Variants in KDM5B observed in about 807,000 individuals in gnomAD.
KDM5B encodes lysine demethylase 5B.
In KDM5B, 144 loss-of-function variants were observed where a neutral mutation model predicts 193.4. The observed-to-expected ratio is 0.74, with a 90% confidence interval of 0.65 to 0.86. The LOEUF (loss-of-function observed/expected upper bound fraction) is 0.86. Ranked by LOEUF, KDM5B falls within the 40% of genes least tolerant of loss-of-function variation. The pLI is 0.00. For missense variants in KDM5B, 1,833 were observed against 1,886.9 expected, an observed-to-expected ratio of 0.97 and a Z score of 0.53; for synonymous variants, 668 against 682.6, an observed-to-expected ratio of 0.98 and a Z score of 0.33.
intron 8 of KDM5B, 137 bp downstream of exon 8, chr1:202,760,278 T>C (rs1457278301): frequency 1.7e-6 from 1 of 598,502 alleles, no homozygotes; most frequent in Non-Finnish European, 2.8e-6. Flanking sequence ...TTTGTGCCAC[T>C]GCACTCCAGC....
At chr1:202,774,572 G>C (rs1656859467) in intron 3 of KDM5B, 41 bp downstream of exon 3, 1 of 1,567,590 alleles carries the variant, frequency 6.4e-7, no homozygotes, top group Non-Finnish European at 8.7e-7. Context: ...CATTCTGTCA[G>C]TAAGATTATA....
intron 13 of KDM5B, among the ~76,000 whole-genome samples, chr1:202,749,804 A>G (rs554468788): frequency 6.6e-6 from 1 of 152,338 alleles, no homozygotes; most frequent in Admixed American, 6.5e-5. Flanking sequence ...ACTTCAGGGA[A>G]TAATACTCTG....
intron 1 of KDM5B, among the ~76,000 whole-genome samples, chr1:202,800,108 A>G (rs1002696235): frequency 1.8e-4 from 27 of 152,090 alleles, no homozygotes; most frequent in Non-Finnish European, 2.8e-4. Context: ...CAGTGGTGCG[A>G]TATCGGCTCA....
chr1:202,781,717 T>TG (rs1373594502), intron 1 of KDM5B, among the ~76,000 whole-genome samples: 1 of 152,204 alleles, frequency 6.6e-6, no homozygotes, highest in Non-Finnish European at 1.5e-5. Flanking sequence ...TAAAAGCTGT[T>TG]GGTTTTCAGA....
chr1:202,784,975 A>AC (rs1657347095), intron 1 of KDM5B, among the ~76,000 whole-genome samples: 1 of 150,538 alleles, frequency 6.6e-6, no homozygotes. Context: ...CAAAGACTGC[A>AC]CTCCAGCCTA....
chr1:202,783,154 G>A (rs1442830250), intron 1 of KDM5B, among the ~76,000 whole-genome samples: 2 of 152,168 alleles, frequency 1.3e-5, no homozygotes, highest in Non-Finnish European at 2.9e-5. Flanking sequence ...TTTATAACCA[G>A]CTACTCAGGA....
chr1:202,729,675 A>T lies in KDM5B; in HGVS notation c.4497+32T>A, dbSNP rs200022734. 3 of 1,582,774 alleles carry T rather than the reference A, an allele frequency of 1.9e-6. No homozygotes were observed. In the Admixed American group the frequency reaches 5.3e-5, roughly 28 times the overall value. On this transcript the variant is annotated intron_variant, in intron 26 of 26. Coordinates refer to ENST00000367265, the MANE Select transcript of KDM5B (RefSeq NM_006618.5). ...TTACAGGGTTTCTGAGTTAAGGGAA[A>T]GCACGTCCTCTATGGCCCAAACCTC...
rs549948254 is a variant in KDM5B at position 202,766,321 on chromosome 1, C to T, written c.711+605G>A. The T allele has an allele frequency of 7.3e-5, 21 of 288,886 alleles. No individual in the cohort carries two copies. The East Asian group carries it at 1.0e-3, about 14-fold the overall frequency. The allele number at this position is 288,886 out of a possible 1,614,324, so 17.9% of individuals were successfully genotyped here. On this transcript the variant is annotated intron_variant, in intron 5 of 26. Transcript: ENST00000367265. The stretch of plus-strand genomic sequence containing the variant: ...GAGATCGAGACCATCCTGGCTAACA[C>T]GGTGAAATCGGTCTCTACTAAAAAT...
intron 4 of KDM5B, chr1:202,767,555 T>TA (rs1436338086): frequency 4.9e-6 from 3 of 612,320 alleles, no homozygotes; most frequent in South Asian, 4.0e-5. Context: ...TTTTTAATCT[T>TA]AGAGAGTTTC....
chr1:202,766,627 T>C (rs1391794675), intron 5 of KDM5B: 1 of 465,214 alleles, frequency 2.1e-6, no homozygotes, highest in East Asian at 5.0e-5. Flanking sequence ...GCCAATTTTG[T>C]GAGGGTAATG....
chr1:202,757,645 T>C (rs1302129258), intron 9 of KDM5B, among the ~76,000 whole-genome samples: 3 of 152,124 alleles, frequency 2.0e-5, no homozygotes, highest in African/African-American at 7.2e-5. Flanking sequence ...AAGCAAACAT[T>C]TTAAGTAACT....
chr1:202,732,930 T>C (rs1654940497), intron 23 of KDM5B, among the ~76,000 whole-genome samples: 1 of 152,218 alleles, frequency 6.6e-6, no homozygotes, highest in African/African-American at 2.4e-5. Flanking sequence ...AGCTTTCCTC[T>C]GAAATAACAC....
chr1:202,730,700 G>C (rs1223097808), intron 25 of KDM5B, among the ~76,000 whole-genome samples: 1 of 152,186 alleles, frequency 6.6e-6, no homozygotes, highest in Non-Finnish European at 1.5e-5. Context: ...TTCACTAGAA[G>C]GAAGTGGCAG....
At chr1:202,736,620 T>G (rs1040896991) in intron 20 of KDM5B, among the ~76,000 whole-genome samples, 4 of 151,908 alleles carry the variant, frequency 2.6e-5, no homozygotes, top group Admixed American at 6.6e-5. Flanking sequence ...GGGTCTTTTG[T>G]TGGTGGTGGT....
chr1:202,753,136 AT>A, intron 11 of KDM5B, 69 bp from the exon 12 acceptor site: 2 of 1,366,400 alleles, frequency 1.5e-6, no homozygotes, highest in Non-Finnish European at 2.0e-6. Flanking sequence ...ACCAGTTCAT[AT>A]TTTTCAGACT....
chr1:202,762,765 C>T lies in KDM5B; in HGVS notation c.852G>A (p.Arg284=), dbSNP rs1425156851. The T allele has an allele frequency of 1.9e-6, 3 of 1,612,322 alleles. No individual in the cohort carries two copies. Among genetic ancestry groups the T allele is most frequent in the East Asian group, 2.2e-5 (1 of 44,836 alleles). ...KSSIKQEPIE[R]KDYIVENEKE... is the part of the protein sequence containing the mutation. ...TCTCATTTTCTACAATATAATCTTT[C>T]CTCTCAATAGGTTCTTGCTTGATGC... The change falls in exon 7 of 27, where the codon AGG becomes AGA. Residue 284 remains arginine, a synonymous_variant. Transcript: ENST00000367265.
chr1:202,762,911 T>G, intron 6 of KDM5B, 103 bp from the exon 7 acceptor site: 1 of 702,090 alleles, frequency 1.4e-6, no homozygotes, highest in South Asian at 1.7e-5. Context: ...ATTTCATGTG[T>G]GTTTTCACAT....
chr1:202,746,114 A>T (rs1480711239), intron 15 of KDM5B, 28 bp downstream of exon 15: 3 of 1,389,858 alleles, frequency 2.2e-6, no homozygotes. Context: ...TGTTTTCCAT[A>T]GGAAAAAAAA....
chr1:202,740,280 G>A lies in KDM5B; in HGVS notation c.3084+394C>T, dbSNP rs1655268359. Among the ~76,000 whole-genome samples the A allele has an allele frequency of 2.2e-5, 3 of 137,222 alleles. 1 individual carries two copies. The highest frequency in any genetic ancestry group is 4.8e-4 in the South Asian group (2 of 4,126). The allele number at this position is 137,222 out of a possible 152,430, so 90.0% of individuals were successfully genotyped here. Reference sequence around the variant, plus strand: ...GACGGGGCGGCTGGCCGGGCAGAGGGGCTCCTCACTTTCCAGTAGGGGCGG... The same window carrying A: ...GACGGGGCGGCTGGCCGGGCAGAGGAGCTCCTCACTTTCCAGTAGGGGCGG... On this transcript the variant is annotated intron_variant, in intron 20 of 26. Coordinates refer to ENST00000367265, the MANE Select transcript of KDM5B (RefSeq NM_006618.5).
Sources: gnomAD v4.1 joint callset for allele counts (sites outside exome capture counted in the v4.1 genomes callset) on GRCh38, gnomAD v4.1.1 for gene constraint, MANE v1.5 for transcripts, NCBI Gene and HGNC (gene_info 2026-07-23, HGNC 2026-07-21) for gene names.